The following TOM1L2 variants were observed in gnomAD, a reference collection of about 807,000 sequenced individuals.
The protein encoded by TOM1L2 is TOM1-like protein 2.
In TOM1L2, 31 loss-of-function variants were observed where a neutral mutation model predicts 67.9. That is an observed-to-expected ratio of 0.46 (90% CI 0.34 to 0.62). The LOEUF (loss-of-function observed/expected upper bound fraction) is 0.62, where lower values mean the gene tolerates loss of function less well. Among genes scored for constraint, TOM1L2 ranks in the 20% least tolerant of loss-of-function variants. TOM1L2 has a pLI of 0.01. For synonymous variants in TOM1L2, 256 were observed against 254.0 expected (o/e 1.01, Z -0.07); for missense variants, 606 against 663.5 (o/e 0.91, Z 0.95).
At chr17:17,972,210 G>A (rs1421294778) in intron 1 of TOM1L2, 52 bp downstream of exon 1, 7 of 1,546,946 alleles carry the variant, frequency 4.5e-6, no homozygotes, top group Non-Finnish European at 6.1e-6. Flanking sequence ...GTCCTCACCA[G>A]CCGGATCAGC....
intron 6 of TOM1L2, 69 bp downstream of exon 6, chr17:17,882,636 A>G: frequency 6.3e-7 from 1 of 1,585,108 alleles, no homozygotes; most frequent in South Asian, 1.1e-5. Flanking sequence ...AGGCCTTTGT[A>G]AGTGTCTCCC....
rs371634438 is a variant in TOM1L2, at chr17:17,864,212, A to ATT, written c.1085-1366_1085-1365dup. On this transcript the variant is annotated intron_variant, in intron 10 of 14. Transcript: ENST00000379504. ...AAGAGAGGTAGCAGAATCCAATTTGATTTTTTTTTTTTTTTTGAGACAGAG... is the reference window on the plus strand; with the variant it reads ...AAGAGAGGTAGCAGAATCCAATTTGATTTTTTTTTTTTTTTTTTGAGACAGAG... Among the ~76,000 whole-genome samples the ATT allele has an allele frequency of 3.4e-3, 474 of 137,610 alleles. 5 individuals carry two copies. The highest frequency in any genetic ancestry group is 5.2e-3 in the Non-Finnish European group (337 of 64,838). 90.3% of individuals were successfully genotyped at this position (137,610 alleles called of 152,430 possible). A position where few individuals can be genotyped will look rare whatever the true frequency, so the allele number is the denominator to read the frequency against.
chr17:17,883,395 T>C (rs1056953693), intron 5 of TOM1L2, among the ~76,000 whole-genome samples: 3 of 152,224 alleles, frequency 2.0e-5, no homozygotes, highest in Non-Finnish European at 2.9e-5. Context: ...TCACAAAGCA[T>C]AGCGCGTGGT....
At chr17:17,930,415 A>G (rs1246460472) in intron 1 of TOM1L2, among the ~76,000 whole-genome samples, 2 of 152,182 alleles carry the variant, frequency 1.3e-5, no homozygotes, top group African/African-American at 2.4e-5. Context: ...TGGTAGGCAC[A>G]AGGAGGACTG....
At chr17:17,887,035 G>A (rs1349730664) in intron 4 of TOM1L2, among the ~76,000 whole-genome samples, 1 of 152,256 alleles carries the variant, frequency 6.6e-6, no homozygotes, top group South Asian at 2.1e-4. Flanking sequence ...GCTCGGAGGT[G>A]CAGGCGTACA....
At chr17:17,963,224 G>A (rs2145040052) in intron 1 of TOM1L2, among the ~76,000 whole-genome samples, 1 of 152,302 alleles carries the variant, frequency 6.6e-6, no homozygotes, top group East Asian at 1.9e-4. Flanking sequence ...GTCGCATCGA[G>A]AAGCAAAGAT....
chr17:17,863,343 G>A (rs1272574726), intron 10 of TOM1L2: 1 of 156,768 alleles, frequency 6.4e-6, no homozygotes, highest in Admixed American at 6.4e-5. Flanking sequence ...AGCAGTGCTT[G>A]GCTTGAGACA....
intron 5 of TOM1L2, among the ~76,000 whole-genome samples, 184 bp downstream of exon 5, chr17:17,884,450 C>T (rs1202491091): frequency 4.6e-5 from 7 of 152,194 alleles, no homozygotes; most frequent in Non-Finnish European, 8.8e-5. Flanking sequence ...GCCACTTAAT[C>T]ACCAGTCAAC....
chr17:17,949,983 G>A (rs1474967925), intron 1 of TOM1L2, among the ~76,000 whole-genome samples: 1 of 152,062 alleles, frequency 6.6e-6, no homozygotes, highest in East Asian at 1.9e-4. Flanking sequence ...CCATTCTCCC[G>A]CCTCAGCCTC....
intron 1 of TOM1L2, among the ~76,000 whole-genome samples, chr17:17,970,003 A>G (rs2042006321): frequency 6.6e-6 from 1 of 151,864 alleles, no homozygotes; most frequent in Non-Finnish European, 1.5e-5. Flanking sequence ...AGCTCTTTCC[A>G]CTTGCTATAT....
At chr17:17,955,841 T>G (rs1001740397) in intron 1 of TOM1L2, among the ~76,000 whole-genome samples, 1 of 152,168 alleles carries the variant, frequency 6.6e-6, no homozygotes. Context: ...TTCCTCCTGG[T>G]GGGTTCGTAG....
At chr17:17,917,335 A>AAAATAAT in intron 1 of TOM1L2, among the ~76,000 whole-genome samples, 1 of 152,028 alleles carries the variant, frequency 6.6e-6, no homozygotes, top group Non-Finnish European at 1.5e-5. Context: ...CCCCATCTCA[A>AAAATAAT]AAAAATAAAT....
At chr17:17,901,562 C>T (rs1216342522) in intron 2 of TOM1L2, among the ~76,000 whole-genome samples, 1 of 152,246 alleles carries the variant, frequency 6.6e-6, no homozygotes, top group Non-Finnish European at 1.5e-5. Flanking sequence ...TGTCCTTCAG[C>T]TTCAGGACTA....
intron 1 of TOM1L2, among the ~76,000 whole-genome samples, chr17:17,920,330 T>C (rs929614657): frequency 4.6e-5 from 7 of 150,886 alleles, no homozygotes; most frequent in Admixed American, 4.6e-4. Context: ...CCGCTAATGT[T>C]CAATATTTTT....
At chr17:17,891,679 T>G (rs1039694829) in intron 4 of TOM1L2, among the ~76,000 whole-genome samples, 1 of 152,112 alleles carries the variant, frequency 6.6e-6, no homozygotes, top group South Asian at 2.1e-4. Flanking sequence ...CCACCATTTG[T>G]TTTCCTAACA....
rs1381492761 is a variant in TOM1L2 at position 17,844,316 on chromosome 17, C to G, written c.*3319G>C. 6.6e-6 allele frequency: 1 copy of G among 152,176 alleles called. No individual in the cohort carries two copies. The highest frequency in any genetic ancestry group is 1.5e-5 in the Non-Finnish European group (1 of 68,016). 9.4% of individuals were successfully genotyped at this position (152,176 alleles called of 1,614,324 possible). The stretch of plus-strand genomic sequence containing the variant: ...GTGAGCATCGGCAGCAGCTGCCCTG[C>G]GAGCATCTGTTGCCCTTGGGCCATG... On this transcript the variant is annotated 3_prime_UTR_variant, in exon 15 of 15. Transcript: ENST00000379504.
chr17:17,923,325 CG>C (rs2039954576), intron 1 of TOM1L2, among the ~76,000 whole-genome samples: 1 of 151,934 alleles, frequency 6.6e-6, no homozygotes, highest in Non-Finnish European at 1.5e-5. Flanking sequence ...CACTTGAACC[CG>C]GGAGGTGGAG....
At chr17:17,929,421 C>CGGGA (rs2040235429) in intron 1 of TOM1L2, among the ~76,000 whole-genome samples, 1 of 152,126 alleles carries the variant, frequency 6.6e-6, no homozygotes, top group African/African-American at 2.4e-5. Flanking sequence ...CACCTGAGAT[C>CGGGA]GGGAGTTCCA....
intron 1 of TOM1L2, among the ~76,000 whole-genome samples, chr17:17,911,083 G>GC (rs1308520889): frequency 1.3e-5 from 2 of 152,220 alleles, no homozygotes; most frequent in Non-Finnish European, 2.9e-5. Flanking sequence ...AAACAGGGCT[G>GC]CCTTAGGTTT....
Sources: allele counts gnomAD v4.1 joint callset (sites outside exome capture counted in the v4.1 genomes callset), GRCh38; gene constraint gnomAD v4.1.1; transcripts MANE v1.5; gene names NCBI Gene and HGNC (gene_info 2026-07-23, HGNC 2026-07-21).